The following TMEM178B variants were observed in gnomAD, a reference collection of about 807,000 sequenced individuals.
TMEM178B encodes the protein transmembrane protein 178B.
In TMEM178B, 5 loss-of-function variants were observed where a neutral mutation model predicts 31.0. The observed-to-expected ratio is 0.16, with a 90% CI of 0.08 to 0.34. The LOEUF (loss-of-function observed/expected upper bound fraction) is 0.34, where lower values mean the gene tolerates loss of function less well. TMEM178B is among the 10% of genes least tolerant of loss of function. The pLI, the probability that TMEM178B is intolerant of heterozygous loss-of-function variation, is 1.00. For synonymous variants in TMEM178B, 164 were observed against 164.0 expected, an observed-to-expected ratio of 1.00 and a Z score of 0.00; for missense variants, 275 against 400.3, an observed-to-expected ratio of 0.69 and a Z score of 2.67.
At chr7:141,094,402 C>G (rs1381680129) in intron 1 of TMEM178B, among the ~76,000 whole-genome samples, 1 of 152,154 alleles carries the variant, frequency 6.6e-6, no homozygotes, top group African/African-American at 2.4e-5. Context: ...TGGGAGTTCT[C>G]TGAAGAAAGC....
intron 2 of TMEM178B, among the ~76,000 whole-genome samples, chr7:141,424,058 T>TCCAC (rs1027851568): frequency 4.6e-5 from 7 of 151,886 alleles, no homozygotes; most frequent in Admixed American, 3.3e-4. Flanking sequence ...CCTCAGATGA[T>TCCAC]CCACCCACCT....
At chr7:141,412,289 G>A (rs770272763) in intron 2 of TMEM178B, among the ~76,000 whole-genome samples, 4 of 152,158 alleles carry the variant, frequency 2.6e-5, no homozygotes, top group Admixed American at 6.5e-5. Context: ...AAGACACAAC[G>A]CAAGACCCTA....
At chr7:141,352,820 G>A (rs1295999816) in intron 2 of TMEM178B, 1 of 152,504 alleles carries the variant, frequency 6.6e-6, no homozygotes, top group East Asian at 1.9e-4. Context: ...GACTATCACT[G>A]TATTTCTGAA....
intron 2 of TMEM178B, among the ~76,000 whole-genome samples, chr7:141,270,493 T>C (rs1287217503): frequency 1.3e-5 from 2 of 152,188 alleles, no homozygotes; most frequent in African/African-American, 4.8e-5. Context: ...TAGTAATAAG[T>C]GTATTCAGCC....
intron 1 of TMEM178B, among the ~76,000 whole-genome samples, chr7:141,151,822 G>A (rs1304863823): frequency 6.6e-6 from 1 of 152,172 alleles, no homozygotes; most frequent in Non-Finnish European, 1.5e-5. Context: ...CACATGTAGG[G>A]GGTGTGAGTC....
In TMEM178B at chr7:141,470,555, A is replaced by G. The variant is rs1802219467; in HGVS notation, c.654A>G (p.Ser218=). ...CTCCAGGAACCTTCTGCATCATTTC[A>G]CTGTGCACCTGTGTGGCCGGGATCA... ...FLMGGTFCII[S]LCTCVAGINF... Residue 218 remains serine, a synonymous_variant, in exon 4 of 4, where the codon TCA becomes TCG. Coordinates refer to ENST00000565468, the MANE Select transcript of TMEM178B (RefSeq NM_001195278.2). 2 of 1,519,412 alleles carry G rather than the reference A, an allele frequency of 1.3e-6. No individual in the cohort carries two copies. Among genetic ancestry groups the G allele is most frequent in the Non-Finnish European group, 1.8e-6 (2 of 1,139,130 alleles). 94.1% of individuals were successfully genotyped at this position (1,519,412 alleles called of 1,614,324 possible).
At chr7:141,238,300 G>A (rs149978097) in intron 2 of TMEM178B, among the ~76,000 whole-genome samples, 5 of 152,218 alleles carry the variant, frequency 3.3e-5, no homozygotes, top group East Asian at 3.9e-4. Context: ...GAGAAAAAGG[G>A]GCAGCTCAGT....
At chr7:141,218,705 A>G (rs1324885048) in intron 2 of TMEM178B, among the ~76,000 whole-genome samples, 1 of 152,056 alleles carries the variant, frequency 6.6e-6, no homozygotes, top group African/African-American at 2.4e-5. Flanking sequence ...CCTTTCCAGA[A>G]TTAGAGGGTC....
chr7:141,214,107 A>G (rs1797093553), intron 2 of TMEM178B, among the ~76,000 whole-genome samples: 1 of 152,254 alleles, frequency 6.6e-6, no homozygotes, highest in South Asian at 2.1e-4. Flanking sequence ...TAGACATGTG[A>G]GGACTAAAAT....
chr7:141,262,474 A>ATATAT (rs1798028077), intron 2 of TMEM178B, among the ~76,000 whole-genome samples: 1 of 131,866 alleles, frequency 7.6e-6, no homozygotes, highest in African/African-American at 3.0e-5. Flanking sequence ...AAATACATAT[A>ATATAT]ATATATATAT....
chr7:141,361,763 G>A (rs916173891), intron 2 of TMEM178B, among the ~76,000 whole-genome samples: 3 of 152,180 alleles, frequency 2.0e-5, no homozygotes, highest in Non-Finnish European at 4.4e-5. Context: ...CTCTTGCAAT[G>A]TTATTTTTCT....
intron 2 of TMEM178B, among the ~76,000 whole-genome samples, chr7:141,226,435 T>A (rs1205403280): frequency 6.6e-6 from 1 of 152,118 alleles, no homozygotes; most frequent in Non-Finnish European, 1.5e-5. Context: ...TCAGAAGAGA[T>A]CTTTTCATTT....
At chr7:141,392,016 C>G (rs767439564) in intron 2 of TMEM178B, among the ~76,000 whole-genome samples, 2 of 151,246 alleles carry the variant, frequency 1.3e-5, no homozygotes, top group African/African-American at 2.4e-5. Flanking sequence ...GTTGGAATCC[C>G]TGCTTTCACT....
At chr7:141,350,381 C>T (rs1266435132) in intron 2 of TMEM178B, among the ~76,000 whole-genome samples, 1 of 152,018 alleles carries the variant, frequency 6.6e-6, no homozygotes, top group Non-Finnish European at 1.5e-5. Context: ...TTTTATCTTC[C>T]CCCACTAGAA....
intron 3 of TMEM178B, among the ~76,000 whole-genome samples, chr7:141,450,381 C>G (rs1409762838): frequency 6.6e-6 from 1 of 152,242 alleles, no homozygotes; most frequent in Admixed American, 6.5e-5. Context: ...AAACCCATCT[C>G]TGCCTCAGGG....
At chr7:141,085,817 TG>T (rs1443294093) in intron 1 of TMEM178B, among the ~76,000 whole-genome samples, 2 of 152,006 alleles carry the variant, frequency 1.3e-5, no homozygotes, top group Non-Finnish European at 2.9e-5. Flanking sequence ...TGGAGAGAGA[TG>T]AGGTACTCTC....
At chr7:141,426,384 T>C (rs1037567544) in intron 2 of TMEM178B, among the ~76,000 whole-genome samples, 3 of 152,164 alleles carry the variant, frequency 2.0e-5, no homozygotes, top group African/African-American at 7.2e-5. Flanking sequence ...CATAAATAAT[T>C]ATAAAAAGAT....
At chr7:141,107,200 G>C (rs534690447) in intron 1 of TMEM178B, among the ~76,000 whole-genome samples, 9 of 152,320 alleles carry the variant, frequency 5.9e-5, no homozygotes, top group East Asian at 5.8e-4. Flanking sequence ...GCATGGAGTA[G>C]AGTGAGTGAG....
rs1161452127 is a variant in TMEM178B at position 141,074,281 on chromosome 7, A to G, written c.-30A>G. ...AGGGAAGGCGAGGCTGCGGCGGATC[A>G]TGCCCATGGTGTAGCCGCCAAGCGG... On this transcript the variant is annotated 5_prime_UTR_variant, in exon 1 of 4. An upstream start codon of the reference 5' UTR is lost. Transcript: ENST00000565468. This position sits in a 1 kb window ranked among gnomAD's most constrained non-coding sequence, Gnocchi z 5.1. 6.8e-7 allele frequency: 1 copy of G among 1,480,042 alleles called. No individual in the cohort carries two copies. Among genetic ancestry groups the G allele is most frequent in the Non-Finnish European group, 8.9e-7 (1 of 1,117,322 alleles). 91.7% of individuals were successfully genotyped at this position (1,480,042 alleles called of 1,614,324 possible).
Sources: gnomAD v4.1 joint callset for allele counts (sites outside exome capture counted in the v4.1 genomes callset) on GRCh38, gnomAD v4.1.1 for gene constraint, Gnocchi (gnomAD v3.1) non-coding constraint, MANE v1.5 for transcripts, NCBI Gene and HGNC (gene_info 2026-07-23, HGNC 2026-07-21) for gene names.